The following SLC4A8 variants were observed in gnomAD, a reference collection of about 807,000 sequenced individuals.
The protein encoded by SLC4A8 is electroneutral sodium bicarbonate exchanger 1.
SLC4A8 carries 40 observed loss-of-function variants against 125.0 expected under a neutral mutation model. The observed-to-expected ratio is 0.32, with a 90% CI of 0.25 to 0.42. The LOEUF (loss-of-function observed/expected upper bound fraction) is 0.42. Among genes scored for constraint, SLC4A8 ranks in the 10% least tolerant of loss-of-function variants. The pLI, the probability that SLC4A8 is intolerant of heterozygous loss-of-function variation, is 1.00. For missense variants in SLC4A8, 863 were observed against 1,355.1 expected (o/e 0.64, Z 5.70); for synonymous variants, 456 against 476.0 (o/e 0.96, Z 0.55).
At chr12:51,484,309 T>G (rs1305667813) in intron 16 of SLC4A8, among the ~76,000 whole-genome samples, 2 of 152,132 alleles carry the variant, frequency 1.3e-5, no homozygotes, top group African/African-American at 4.8e-5. Context: ...CTGGGTTAAG[T>G]GCTAGGGAGG....
In SLC4A8 at chr12:51,515,081, T is replaced by C. The variant is rs1938485294; in HGVS notation, c.*7643T>C. The C allele has an allele frequency of 6.6e-6, 1 of 152,234 alleles. No homozygotes were observed. Among genetic ancestry groups the C allele is most frequent in the African/African-American group, 2.4e-5 (1 of 41,466 alleles). The allele number at this position is 152,234 out of a possible 1,614,324, so 9.4% of individuals were successfully genotyped here. On this transcript the variant is annotated 3_prime_UTR_variant, in exon 25 of 25. Coordinates refer to ENST00000453097, the MANE Select transcript of SLC4A8 (RefSeq NM_001039960.3). ...ATTAATATTTCTTGAGAGAGAGAAC[T>C]CACCCATGGCACTTTTCTGAGCCCA...
intron 16 of SLC4A8, among the ~76,000 whole-genome samples, chr12:51,479,682 CAA>C (rs759517132): frequency 3.1e-4 from 12 of 39,180 alleles, no homozygotes; most frequent in Admixed American, 5.0e-4. Flanking sequence ...GACTTGGTCT[CAA>C]AAAAAAAAAA....
In SLC4A8 at chr12:51,425,016, A is replaced by C; in HGVS notation, c.29A>C (p.Asp10Ala). The change falls in exon 1 of 25, where the codon GAC (aspartate) becomes GCC (alanine). Residue 10 changes from aspartate to alanine, a missense_variant. By Grantham distance (126) the Asp-to-Ala change is moderately radical. Transcript: ENST00000453097. The stretch of plus-strand genomic sequence containing the variant: ...CCGGCCGCCGGGAGTAACGAGCCGG[A>C]CGGCGTCCTCAGCTATCAGGTAGGG... MPAAGSNEPDGVLSYQRPDE... is the reference protein window; with the variant it reads MPAAGSNEPAGVLSYQRPDE... The C allele has an allele frequency of 6.4e-7, 1 of 1,556,576 alleles. No individual in the cohort carries two copies. Among genetic ancestry groups the C allele is most frequent in the Non-Finnish European group, 8.7e-7 (1 of 1,150,834 alleles).
upstream of SLC4A8, among the ~76,000 whole-genome samples, chr12:51,421,784 G>A (rs1160126261): frequency 6.6e-6 from 1 of 152,084 alleles, no homozygotes; most frequent in African/African-American, 2.4e-5. Flanking sequence ...AATTTTTATA[G>A]GCCAATACAA....
intron 1 of SLC4A8, among the ~76,000 whole-genome samples, chr12:51,418,704 C>T (rs181600230): frequency 1.3e-4 from 20 of 152,288 alleles, no homozygotes; most frequent in Admixed American, 5.9e-4. Context: ...CGCATTCTAT[C>T]TCTATTCCTT....
intron 5 of SLC4A8, 85 bp downstream of exon 5, chr12:51,453,784 A>G: frequency 7.5e-7 from 1 of 1,333,744 alleles, no homozygotes; most frequent in Non-Finnish European, 1.0e-6. Context: ...GACAGAAAGA[A>G]TACAGTGGGT....
At chr12:51,429,588 G>A (rs561142013) in intron 1 of SLC4A8, among the ~76,000 whole-genome samples, 60 of 152,060 alleles carry the variant, frequency 3.9e-4, no homozygotes, top group Middle Eastern at 6.8e-3. Flanking sequence ...CTGCAGCGTC[G>A]ACCTCCTGGG....
chr12:51,482,447 C>T (rs1006008041), intron 16 of SLC4A8, among the ~76,000 whole-genome samples: 7 of 152,038 alleles, frequency 4.6e-5, no homozygotes, highest in East Asian at 3.9e-4. Context: ...GGCACAATCT[C>T]GGCTCACTCC....
chr12:51,463,171 T>C (rs1418962521), intron 10 of SLC4A8, among the ~76,000 whole-genome samples: 1 of 152,156 alleles, frequency 6.6e-6, no homozygotes, highest in Non-Finnish European at 1.5e-5. Context: ...CCAGGTGCTT[T>C]ATATATGCAA....
intron 2 of SLC4A8, among the ~76,000 whole-genome samples, chr12:51,443,276 C>T (rs111640408): frequency 6.6e-6 from 1 of 152,148 alleles, no homozygotes; most frequent in African/African-American, 2.4e-5. Flanking sequence ...CACGTGCCAC[C>T]ATGCCTGGCT....
chr12:51,501,304 C>G (rs1002444014), intron 22 of SLC4A8, among the ~76,000 whole-genome samples: 2 of 152,206 alleles, frequency 1.3e-5, no homozygotes, highest in African/African-American at 4.8e-5. Flanking sequence ...TCCAACCCTT[C>G]CCCTGTCTTC....
intron 1 of SLC4A8, among the ~76,000 whole-genome samples, chr12:51,426,570 G>T (rs1210917708): frequency 6.6e-6 from 1 of 152,154 alleles, no homozygotes; most frequent in African/African-American, 2.4e-5. Context: ...AAGAGCTAAA[G>T]GATGAATAAA....
chr12:51,460,609 T>C (rs139978990), intron 8 of SLC4A8, among the ~76,000 whole-genome samples: 2 of 152,350 alleles, frequency 1.3e-5, no homozygotes, highest in Non-Finnish European at 1.5e-5. Flanking sequence ...TGTAGAGCCA[T>C]ATTCCAGGGG....
chr12:51,437,933 T>C (rs1258739872), intron 1 of SLC4A8, among the ~76,000 whole-genome samples: 1 of 152,194 alleles, frequency 6.6e-6, no homozygotes, highest in Admixed American at 6.5e-5. Context: ...ATTCAGGGTC[T>C]TGTGATTCAG....
At chr12:51,464,731 G>A (rs1016170937) in intron 11 of SLC4A8, among the ~76,000 whole-genome samples, 1 of 152,110 alleles carries the variant, frequency 6.6e-6, no homozygotes, top group Non-Finnish European at 1.5e-5. Flanking sequence ...CTGCCTCCTT[G>A]CTTGAGGTTG....
intron 11 of SLC4A8, 139 bp from the exon 12 acceptor site, chr12:51,469,475 T>G: frequency 1.6e-6 from 1 of 618,134 alleles, no homozygotes; most frequent in East Asian, 2.8e-5. Context: ...CCTAAGAGAG[T>G]TATCTGTACT....
In SLC4A8 at chr12:51,453,685, T is replaced by C. The variant is rs1565787444; in HGVS notation, c.560T>C (p.Ile187Thr). The part of the protein sequence containing the change: ...TVLLDMHANS[I>T]EEISDLILDQ... The stretch of plus-strand genomic sequence containing the variant: ...CTCCTGGATATGCATGCAAATAGCA[T>C]AGAAGAAATTTCAGGTAAGGTTGGG... Residue 187 changes from isoleucine (I) to threonine (T), a missense_variant, in exon 5 of 25, where the codon ATA becomes ACA. By Grantham distance (89) the Ile-to-Thr change is moderately conservative. This residue lies in a region of SLC4A8 where 390 missense variants were observed against 634.4 expected (regional missense o/e 0.61). Transcript: ENST00000453097. The C allele has an allele frequency of 1.2e-6, 2 of 1,612,864 alleles. No individual in the cohort carries two copies. Among genetic ancestry groups the C allele is most frequent in the Admixed American group, 1.7e-5 (1 of 59,784 alleles).
At chr12:51,506,071 A>T in intron 24 of SLC4A8, 141 bp downstream of exon 24, 1 of 589,782 alleles carries the variant, frequency 1.7e-6, no homozygotes, top group Non-Finnish European at 3.0e-6. Flanking sequence ...ACCACATAAG[A>T]ATAGCTATAA....
rs1307010052 is a variant in SLC4A8, at chr12:51,512,154, T to C, written c.*4716T>C. On this transcript the variant is annotated 3_prime_UTR_variant, in exon 25 of 25. Transcript: ENST00000453097. ...ACAGGTTGCCGTAGTGATGATATGATGCTGGACACAATCATTGTGCACTTT... is the reference window on the plus strand; with the variant it reads ...ACAGGTTGCCGTAGTGATGATATGACGCTGGACACAATCATTGTGCACTTT... The C allele has an allele frequency of 6.6e-6, 1 of 152,248 alleles. No homozygotes were observed. The highest frequency in any genetic ancestry group is 1.5e-5 in the Non-Finnish European group (1 of 68,052). The allele number at this position is 152,248 out of a possible 1,614,324, so 9.4% of individuals were successfully genotyped here. A position where few individuals can be genotyped will look rare whatever the true frequency, so the allele number is the denominator to read the frequency against.
Sources: allele counts gnomAD v4.1 joint callset (sites outside exome capture counted in the v4.1 genomes callset), GRCh38; gene constraint gnomAD v4.1.1; regional missense constraint gnomAD v4.1.1; transcripts MANE v1.5; gene names NCBI Gene and HGNC (gene_info 2026-07-23, HGNC 2026-07-21).